The following AK1 variants were observed in gnomAD, a reference collection of about 807,000 sequenced individuals.
AK1 encodes adenylate kinase 1, also known as adenylate kinase isoenzyme 1.
A neutral mutation model predicts 23.9 loss-of-function variants in AK1; 13 were observed. The observed-to-expected ratio is 0.54, with a 90% CI of 0.35 to 0.86. AK1 has a LOEUF of 0.86. AK1 is among the 40% of genes least tolerant of loss of function. The probability of loss-of-function intolerance (pLI) is 0.01; values close to 1 mark genes in which losing one functional copy is unlikely to be tolerated. For missense variants in AK1, 214 were observed against 255.1 expected (o/e 0.84, Z 1.10); for synonymous variants, 97 against 102.8 (o/e 0.94, Z 0.34).
At chr9:127,870,838 T>TGGGGATGGGGCAC (rs897202171) in intron 5 of AK1, among the ~76,000 whole-genome samples, 15 of 78,788 alleles carry the variant, frequency 1.9e-4, no homozygotes, top group African/African-American at 5.8e-4. Flanking sequence ...GAATGGGGCA[T>TGGGGATGGGGCAC]GGGGATGGGA....
rs778822857 is a variant in AK1, at chr9:127,868,274, T to G, written c.516+47A>C. On this transcript the variant is annotated intron_variant, in intron 6 of 6. Transcript: ENST00000644144. The surrounding 1 kb of genome is among the most constrained non-coding windows in gnomAD (Gnocchi z 4.1). ...CACAGTGAGCTGAGGCGGAGCCACA[T>G]AGGAACCCGTTCTTCCCGGAGCTGC... is the stretch of plus-strand genomic sequence containing the variant. 12 of 1,540,838 alleles carry G rather than the reference T, an allele frequency of 7.8e-6. No homozygotes were observed. In the African/African-American group the frequency reaches 9.6e-5, roughly 12 times the overall value.
chr9:127,874,722 C>T (rs1829497703), intron 1 of AK1, 73 bp from the exon 2 acceptor site: 1 of 1,444,392 alleles, frequency 6.9e-7, no homozygotes, highest in African/African-American at 1.4e-5. Context: ...AAGCCACACC[C>T]AAGGCAACTG....
intron 2 of AK1, chr9:127,874,098 A>C (rs1236120949): frequency 3.0e-6 from 3 of 985,322 alleles, no homozygotes; most frequent in Non-Finnish European, 3.6e-6. Context: ...TGCCCAGGCC[A>C]AGGCACAGTG....
In AK1 at chr9:127,868,439, C is replaced by G. The variant is rs1281401180; in HGVS notation, c.398G>C (p.Gly133Ala). ...GTCGTCCACACGCCCGCTGGTCTCT[C>G]CACGTTTCAAGAGCCGCTGGGTCAT... ...ETMTQRLLKRGETSGRVDDNE... is the reference protein window; with the variant it reads ...ETMTQRLLKRAETSGRVDDNE... Residue 133 changes from glycine (G) to alanine (A), a missense_variant, in exon 6 of 7, where the codon GGA becomes GCA. Physicochemically the swap from Gly to Ala is moderately conservative, Grantham distance 60 (BLOSUM62 0). Transcript: ENST00000644144. The surrounding 1 kb of genome is among the most constrained non-coding windows in gnomAD (Gnocchi z 4.1). The G allele has an allele frequency of 3.7e-6, 6 of 1,610,950 alleles. No homozygotes were observed. The highest frequency in any genetic ancestry group is 5.1e-6 in the Non-Finnish European group (6 of 1,178,718).
chr9:127,873,118 G>A (rs1260344916), intron 2 of AK1, 57 bp from the exon 3 acceptor site: 2 of 1,592,198 alleles, frequency 1.3e-6, no homozygotes, highest in African/African-American at 2.7e-5. Context: ...ACAGCCAGAG[G>A]CACCTCTGGA....
upstream of AK1, chr9:127,877,852 G>C (rs1396054214): frequency 6.6e-6 from 1 of 152,270 alleles, no homozygotes; most frequent in Non-Finnish European, 1.5e-5. The surrounding 1 kb of genome is among the most constrained non-coding windows in gnomAD (Gnocchi z 5.2). Context: ...CCGGCACCGT[G>C]TGCCCCGCAC....
At chr9:127,876,816 G>T (rs1394427274) in intron 1 of AK1, among the ~76,000 whole-genome samples, 1 of 152,194 alleles carries the variant, frequency 6.6e-6, no homozygotes, top group Admixed American at 6.5e-5. Context: ...GCCTTATAAG[G>T]CCCCTGGGTC....
At chr9:127,873,153 G>T in intron 2 of AK1, 92 bp from the exon 3 acceptor site, 1 of 1,561,632 alleles carries the variant, frequency 6.4e-7, no homozygotes. Context: ...CTGGGCCCCA[G>T]GCGGAGGGAC....
chr9:127,874,774 C>T, intron 1 of AK1, 125 bp from the exon 2 acceptor site: 1 of 967,852 alleles, frequency 1.0e-6, no homozygotes, highest in Admixed American at 2.0e-5. Context: ...GCAGAGGGGG[C>T]TGCTGGGGGC....
At chr9:127,872,658 C>T (rs201169609) in intron 4 of AK1, 32 bp downstream of exon 4, 1 of 1,613,190 alleles carries the variant, frequency 6.2e-7, no homozygotes, top group Non-Finnish European at 8.5e-7. Flanking sequence ...TACTGTCATC[C>T]CCTGCCTCTC....
intron 2 of AK1, chr9:127,873,659 G>A (rs1012155340): frequency 8.0e-6 from 11 of 1,374,510 alleles, no homozygotes; most frequent in Middle Eastern, 2.7e-4. Flanking sequence ...GTCTCGTCCC[G>A]CCTGCTGTTA....
intron 3 of AK1, 67 bp from the exon 4 acceptor site, chr9:127,872,920 G>C: frequency 6.2e-7 from 1 of 1,613,032 alleles, no homozygotes; most frequent in Non-Finnish European, 8.5e-7. Flanking sequence ...GGCTGCCAGG[G>C]TCTCCCAGAG....
chr9:127,870,874 G>A (rs1367328614), intron 5 of AK1, among the ~76,000 whole-genome samples: 1 of 151,756 alleles, frequency 6.6e-6, no homozygotes, highest in Non-Finnish European at 1.5e-5. Flanking sequence ...AGCCCACCAG[G>A]ATGCTGGTTA....
rs1829496684 is a variant in AK1 at position 127,874,662 on chromosome 9, G to C, written c.-32-13C>G. On this transcript the variant is annotated splice_polypyrimidine_tract_variant and intron_variant, in intron 1 of 6. Coordinates refer to ENST00000644144, the MANE Select transcript of AK1 (RefSeq NM_000476.3). ...CCGTGTCAGTGCTCTGTAAGACAAG[G>C]GCACAGGTTGGGGAGGGATTTTCCT... The C allele has an allele frequency of 1.9e-6, 3 of 1,612,744 alleles. No individual in the cohort carries two copies. The highest frequency in any genetic ancestry group is 2.2e-5 in the East Asian group (1 of 44,870).
chr9:127,873,762 A>G (rs530816972), intron 2 of AK1: 1 of 985,288 alleles, frequency 1.0e-6, no homozygotes, highest in East Asian at 1.1e-4. Context: ...CAAAACCAGA[A>G]CCCAAGCTCC....
At position 127,874,951 on chromosome 9, in the gene AK1, AC is replaced by A. The variant is rs11288755; in HGVS notation, c.-32-303del. 246,771 of 409,184 alleles carry A rather than the reference AC, an allele frequency of 0.6. 77,820 individuals are homozygous for A. Among genetic ancestry groups the A allele is most frequent in the East Asian group, 0.83 (16,991 of 20,528 alleles). 25.3% of individuals were successfully genotyped at this position (409,184 alleles called of 1,614,324 possible). A position where few individuals can be genotyped will look rare whatever the true frequency, so the allele number is the denominator to read the frequency against. ...GAGGGGCTGGGACAGTGAGGATGGC[AC>A]CGAGGGACATAAACAGCGGCCACAC... is the stretch of plus-strand genomic sequence containing the variant. On this transcript the variant is annotated intron_variant, in intron 1 of 6. Transcript: ENST00000644144.
At position 127,877,226 on chromosome 9, in the gene AK1, G is replaced by C. The variant is rs1829561303; in HGVS notation, c.-33+397C>G. 6.6e-6 allele frequency among the ~76,000 whole-genome samples: 1 copy of C among 152,152 alleles called. No homozygotes were observed. Among genetic ancestry groups the C allele is most frequent in the African/African-American group, 2.4e-5 (1 of 41,420 alleles). ...TGGAGTGACACGATAGCCCTACGGAGCACAGAGGCTGCCCCTGTCCAGGTC... is the reference window on the plus strand; with the variant it reads ...TGGAGTGACACGATAGCCCTACGGACCACAGAGGCTGCCCCTGTCCAGGTC... On this transcript the variant is annotated intron_variant, in intron 1 of 6. Coordinates refer to ENST00000644144, the MANE Select transcript of AK1 (RefSeq NM_000476.3). The surrounding 1 kb of genome is among the most constrained non-coding windows in gnomAD (Gnocchi z 5.2).
upstream of AK1, chr9:127,878,535 GT>G (rs1188804261): frequency 6.6e-6 from 1 of 152,282 alleles, no homozygotes; most frequent in Admixed American, 6.5e-5. Context: ...GCACATAGTA[GT>G]AGGTGCTCAG....
chr9:127,871,865 G>C lies in AK1; in HGVS notation c.282C>G (p.Gly94=). The C allele has an allele frequency of 1.9e-6, 3 of 1,614,142 alleles. No individual in the cohort carries two copies. The highest frequency in any genetic ancestry group is 2.5e-6 in the Non-Finnish European group (3 of 1,180,026). The change falls in exon 5 of 7, where the codon GGC becomes GGG. Residue 94 remains glycine, a synonymous_variant. Coordinates refer to ENST00000644144, the MANE Select transcript of AK1 (RefSeq NM_000476.3). This position sits in a 1 kb window ranked among gnomAD's most constrained non-coding sequence, Gnocchi z 4.4. Reference sequence around the variant, plus strand: ...CTCCTTGCTGCACCTCCCGCGGGTAGCCATCAATCAGGAAGCCTTTGGAAG... The same window carrying C: ...CTCCTTGCTGCACCTCCCGCGGGTACCCATCAATCAGGAAGCCTTTGGAAG... The part of the protein sequence containing the change: ...VNTSKGFLID[G]YPREVQQGEE...
Sources: gnomAD v4.1 joint callset for allele counts (sites outside exome capture counted in the v4.1 genomes callset) on GRCh38, gnomAD v4.1.1 for gene constraint, Gnocchi (gnomAD v3.1) non-coding constraint, MANE v1.5 for transcripts, NCBI Gene and HGNC (gene_info 2026-07-23, HGNC 2026-07-21) for gene names.